CRY1: variants seen among roughly 807,000 people sequenced by gnomAD.
CRY1 encodes the protein cryptochrome-1.
A neutral mutation model predicts 76.0 loss-of-function variants in CRY1; 45 were observed. The observed-to-expected ratio is 0.59, with a 90% CI of 0.47 to 0.76. The LOEUF (loss-of-function observed/expected upper bound fraction) is 0.76, where lower values mean the gene tolerates loss of function less well. Ranked by LOEUF, CRY1 falls within the 30% of genes least tolerant of loss-of-function variation. The probability of loss-of-function intolerance (pLI) is 0.00; values close to 1 mark genes in which losing one functional copy is unlikely to be tolerated. For missense variants in CRY1, 587 were observed against 716.4 expected, an observed-to-expected ratio of 0.82 and a Z score of 2.06; for synonymous variants, 248 against 244.0, an observed-to-expected ratio of 1.02 and a Z score of -0.15.
rs1245259645 is a variant in CRY1, at chr12:107,034,237, C to T, written c.159-12045G>A. Among the ~76,000 whole-genome samples, 5 of 151,926 alleles carry T rather than the reference C, an allele frequency of 3.3e-5. No homozygotes were observed. The East Asian group carries it at 9.7e-4, about 29-fold the overall frequency. On this transcript the variant is annotated intron_variant, in intron 1 of 12. Coordinates refer to ENST00000008527, the MANE Select transcript of CRY1 (RefSeq NM_004075.5). Reference sequence around the variant, plus strand: ...ATAATGCATTAGCAAGTTAAGACACCCCCACTAATGCCATGACAGTTTACA... The same window carrying T: ...ATAATGCATTAGCAAGTTAAGACACTCCCACTAATGCCATGACAGTTTACA...
intron 1 of CRY1, among the ~76,000 whole-genome samples, chr12:107,024,410 CTT>C (rs879273386): frequency 6.2e-5 from 9 of 145,166 alleles, no homozygotes; most frequent in Admixed American, 1.4e-4. Flanking sequence ...AATAAACATT[CTT>C]TTTTTTTTTT....
intron 1 of CRY1, among the ~76,000 whole-genome samples, chr12:107,063,126 A>G (rs1203568700): frequency 6.6e-6 from 1 of 152,180 alleles, no homozygotes; most frequent in Non-Finnish European, 1.5e-5. Flanking sequence ...TTGGATTAAG[A>G]AGACTCAAGA....
rs1021849596 is a variant in CRY1, at chr12:107,005,351, T to C, written c.268-103A>G. On this transcript the variant is annotated intron_variant, in intron 2 of 12. Coordinates refer to ENST00000008527, the MANE Select transcript of CRY1 (RefSeq NM_004075.5). ...TGAAAATCTACATATCAAAGGATTA[T>C]ACATAAATCAAACTTTGAATATGCA... The C allele has an allele frequency of 9.7e-6, 12 of 1,238,730 alleles. No individual in the cohort carries two copies. In the Admixed American group the frequency reaches 2.6e-4, roughly 27 times the overall value. The allele number at this position is 1,238,730 out of a possible 1,614,324, so 76.7% of individuals were successfully genotyped here.
chr12:107,003,526 T>C (rs1470385406), intron 3 of CRY1, among the ~76,000 whole-genome samples: 1 of 152,228 alleles, frequency 6.6e-6, no homozygotes, highest in East Asian at 1.9e-4. Flanking sequence ...TACGTAGTGA[T>C]GTATCAACTA....
At chr12:106,997,417 A>G in intron 9 of CRY1, 31 bp from the exon 10 acceptor site, 1 of 1,611,994 alleles carries the variant, frequency 6.2e-7, no homozygotes, top group East Asian at 2.2e-5. Context: ...CTTTTAAATT[A>G]TGATCAAGAT....
At chr12:107,052,805 GA>G in intron 1 of CRY1, among the ~76,000 whole-genome samples, 1 of 152,204 alleles carries the variant, frequency 6.6e-6, no homozygotes, top group African/African-American at 2.4e-5. Context: ...CACAGAGAGT[GA>G]AAGAGTGGCA....
chr12:107,051,638 T>C (rs1409026164), intron 1 of CRY1, among the ~76,000 whole-genome samples: 4 of 152,122 alleles, frequency 2.6e-5, no homozygotes, highest in African/African-American at 7.2e-5. Flanking sequence ...ACGAAGATAA[T>C]CTTTGATATG....
chr12:107,071,570 T>C (rs1025963703), intron 1 of CRY1, among the ~76,000 whole-genome samples: 3 of 152,178 alleles, frequency 2.0e-5, no homozygotes, highest in African/African-American at 7.2e-5. Context: ...AACCCAACTA[T>C]GAAACTATCT....
At chr12:107,040,744 T>C (rs751251112) in intron 1 of CRY1, among the ~76,000 whole-genome samples, 22 of 151,948 alleles carry the variant, frequency 1.4e-4, no homozygotes, top group South Asian at 6.2e-4. Context: ...ATAGGAACAA[T>C]CAAACCAAAA....
rs551035694 is a variant in CRY1 at position 107,046,185 on chromosome 12, C to T, written c.159-23993G>A. On this transcript the variant is annotated intron_variant, in intron 1 of 12. Transcript: ENST00000008527. Reference sequence around the variant, plus strand: ...GCACACACCTGTCATCCCAGCTACTCGGGAGGCTGAGGCACAAGAATCACT... The same window carrying T: ...GCACACACCTGTCATCCCAGCTACTTGGGAGGCTGAGGCACAAGAATCACT... 6.9e-4 allele frequency among the ~76,000 whole-genome samples: 105 copies of T among 151,230 alleles called. No homozygotes were observed. In the South Asian group the frequency reaches 7.5e-3, roughly 11 times the overall value.
chr12:107,053,019 A>C (rs1952941045), intron 1 of CRY1, among the ~76,000 whole-genome samples: 1 of 152,350 alleles, frequency 6.6e-6, no homozygotes, highest in East Asian at 1.9e-4. Flanking sequence ...TTAATGTGGA[A>C]GCATGAGATG....
At chr12:107,014,294 A>G (rs1952475188) in intron 2 of CRY1, among the ~76,000 whole-genome samples, 1 of 152,192 alleles carries the variant, frequency 6.6e-6, no homozygotes, top group African/African-American at 2.4e-5. Context: ...GGGTATAAAT[A>G]GGCTTACACA....
chr12:107,092,584 T>G (rs544353823), intron 1 of CRY1, among the ~76,000 whole-genome samples: 24 of 152,188 alleles, frequency 1.6e-4, no homozygotes, highest in Admixed American at 4.6e-4. Flanking sequence ...GAAAGACACA[T>G]AACTCACTGA....
chr12:107,072,257 T>G (rs1953199077), intron 1 of CRY1, among the ~76,000 whole-genome samples: 1 of 152,184 alleles, frequency 6.6e-6, no homozygotes, highest in Non-Finnish European at 1.5e-5. Flanking sequence ...TCTGCATCCC[T>G]TTTCCAAATT....
At chr12:107,024,082 T>G (rs1453499075) in intron 1 of CRY1, among the ~76,000 whole-genome samples, 1 of 152,184 alleles carries the variant, frequency 6.6e-6, no homozygotes, top group Admixed American at 6.5e-5. Context: ...TTAAGTTTTC[T>G]TAAATTGAAA....
Position 107,034,399 on chromosome 12 carries a change from G to GT in CRY1, c.159-12208dup, listed in dbSNP as rs991632817. ...TTGTTTAGCATATACTCTTGACTGA[G>GT]TATACTCAGTCAAGAAACCCATGAT... On this transcript the variant is annotated intron_variant, in intron 1 of 12. Coordinates refer to ENST00000008527, the MANE Select transcript of CRY1 (RefSeq NM_004075.5). 2.0e-4 allele frequency among the ~76,000 whole-genome samples: 31 copies of GT among 152,182 alleles called. No individual in the cohort carries two copies. In the East Asian group the frequency reaches 3.9e-3, roughly 19 times the overall value.
At chr12:107,044,626 A>T (rs1952830885) in intron 1 of CRY1, among the ~76,000 whole-genome samples, 1 of 152,242 alleles carries the variant, frequency 6.6e-6, no homozygotes, top group Admixed American at 6.5e-5. Context: ...TATTCAATGA[A>T]ATCAGGAAAA....
chr12:107,022,087 G>T lies in CRY1; in HGVS notation c.264C>A (p.Phe88Leu), dbSNP rs1952565012. ...ATGCAAATATTTTTCAAATTACCTT[G>T]AAAAGCCTGGGAAACACATCTGCTG... The part of the protein sequence containing the change: ...GQPADVFPRL[F>L]KEWNITKLSI... Residue 88 changes from phenylalanine to leucine, a missense_variant, in exon 2 of 13, where the codon TTC (phenylalanine) becomes TTA (leucine). Transcript: ENST00000008527. 6.3e-7 allele frequency: 1 copy of T among 1,594,568 alleles called. No individual in the cohort carries two copies. The highest frequency in any genetic ancestry group is 1.7e-5 in the Admixed American group (1 of 57,886).
chr12:107,004,586 G>T (rs1008872771), intron 3 of CRY1, among the ~76,000 whole-genome samples: 1 of 152,030 alleles, frequency 6.6e-6, no homozygotes, highest in Non-Finnish European at 1.5e-5. Context: ...AATACACTTT[G>T]GGAAATATTC....
Sources: gnomAD v4.1 joint callset for allele counts (sites outside exome capture counted in the v4.1 genomes callset) on GRCh38, gnomAD v4.1.1 for gene constraint, MANE v1.5 for transcripts, NCBI Gene and HGNC (gene_info 2026-07-23, HGNC 2026-07-21) for gene names.